TSC1: variants seen among roughly 807,000 people sequenced by gnomAD.
TSC1 encodes the protein hamartin.
A neutral mutation model predicts 124.3 loss-of-function variants in TSC1; 20 were observed. The ratio of observed to expected loss-of-function variants is 0.16; its 90% CI spans 0.11 to 0.23. The LOEUF is 0.23. TSC1 is among the 10% of genes least tolerant of loss of function. TSC1 has a pLI of 1.00. For missense variants in TSC1, 1,124 were observed against 1,448.5 expected (o/e 0.78, Z 3.64); for synonymous variants, 493 against 539.1 (o/e 0.91, Z 1.19).
intron 2 of TSC1, among the ~76,000 whole-genome samples, chr9:132,934,010 G>A (rs527619838): frequency 3.3e-5 from 5 of 152,272 alleles, no homozygotes; most frequent in South Asian, 2.1e-4. Flanking sequence ...CTTAACTTTC[G>A]ACAGTCTACA....
intron 5 of TSC1, 37 bp downstream of exon 5, chr9:132,925,548 CAT>C: frequency 1.2e-6 from 2 of 1,613,348 alleles, no homozygotes; most frequent in African/African-American, 2.7e-5. Flanking sequence ...AAACTATACT[CAT>C]AAAACCATTT....
chr9:132,907,196 T>G lies in TSC1; in HGVS notation c.1333+105A>C, dbSNP rs1588313643. On this transcript the variant is annotated intron_variant, in intron 13 of 22. Transcript: ENST00000298552. ...TCATTATGTTTAGGCCTCAGTATTT[T>G]GGATATCCCAGAATTTCCTTGTTTC... 6 of 940,792 alleles carry G rather than the reference T, an allele frequency of 6.4e-6. No individual in the cohort carries two copies. The East Asian group carries it at 1.3e-4, about 20-fold the overall frequency. 58.3% of individuals were successfully genotyped at this position (940,792 alleles called of 1,614,324 possible). A position where few individuals can be genotyped will look rare whatever the true frequency, so the allele number is the denominator to read the frequency against.
In TSC1 at chr9:132,906,868, A is replaced by G. The variant is rs1269707976; in HGVS notation, c.1334-33T>C. 1 of 1,555,138 alleles carries G rather than the reference A, an allele frequency of 6.4e-7. No homozygotes were observed. The highest frequency in any genetic ancestry group is 1.7e-5 in the Admixed American group (1 of 59,910). On this transcript the variant is annotated intron_variant, in intron 13 of 22. Coordinates refer to ENST00000298552, the MANE Select transcript of TSC1 (RefSeq NM_000368.5). This position sits in a 1 kb window ranked among gnomAD's most constrained non-coding sequence, Gnocchi z 4.1. ...GAAACAAAGACAACTGAAGTCAAAG[A>G]AATACAGTGTAATCCCTGTAAGTGT... is the stretch of plus-strand genomic sequence containing the variant.
chr9:132,911,582 G>C lies in TSC1; in HGVS notation c.914-14C>G, dbSNP rs2131983247. 9.5e-7 allele frequency: 1 copy of C among 1,054,002 alleles called. No individual in the cohort carries two copies. Among genetic ancestry groups the C allele is most frequent in the Non-Finnish European group, 1.3e-6 (1 of 757,478 alleles). 65.3% of individuals were successfully genotyped at this position (1,054,002 alleles called of 1,614,324 possible). On this transcript the variant is annotated splice_polypyrimidine_tract_variant and intron_variant, in intron 9 of 22. Transcript: ENST00000298552. ...AAGTAGCACACCCTAAAATGGAAGAGAAGAACACAGGGGGTTAGTGTGTGG... is the reference window on the plus strand; with the variant it reads ...AAGTAGCACACCCTAAAATGGAAGACAAGAACACAGGGGGTTAGTGTGTGG...
At chr9:132,914,189 T>C (rs1027024491) in intron 8 of TSC1, among the ~76,000 whole-genome samples, 13 of 152,098 alleles carry the variant, frequency 8.5e-5, no homozygotes, top group Admixed American at 3.3e-4. Context: ...CGTGAGCCAC[T>C]GTACCCGGCC....
At chr9:132,934,166 G>T (rs892029548) in intron 2 of TSC1, among the ~76,000 whole-genome samples, 7 of 152,072 alleles carry the variant, frequency 4.6e-5, no homozygotes, top group African/African-American at 1.4e-4. Flanking sequence ...ATGAGTCACA[G>T]AGCTGTCCAT....
At chr9:132,917,647 A>T (rs1018206882) in intron 8 of TSC1, among the ~76,000 whole-genome samples, 6 of 152,294 alleles carry the variant, frequency 3.9e-5, no homozygotes, top group East Asian at 1.9e-4. Flanking sequence ...TTAAAAAAAA[A>T]TTTTTTTTAA....
Position 132,923,594 on chromosome 9 carries a change from A to C in TSC1, c.364-102T>G. Reference sequence around the variant, plus strand: ...GGCTCTAAACACTGAGAGAATCACAAATCACAAGTTGACTCACGTACTCAT... The same window carrying C: ...GGCTCTAAACACTGAGAGAATCACACATCACAAGTTGACTCACGTACTCAT... On this transcript the variant is annotated intron_variant, in intron 5 of 22. Transcript: ENST00000298552. This position sits in a 1 kb window ranked among gnomAD's most constrained non-coding sequence, Gnocchi z 4.2. The C allele has an allele frequency of 2.0e-6, 3 of 1,535,068 alleles. No individual in the cohort carries two copies. The highest frequency in any genetic ancestry group is 2.7e-6 in the Non-Finnish European group (3 of 1,113,680).
chr9:132,898,185 T>C (rs907207893), intron 20 of TSC1, among the ~76,000 whole-genome samples: 17 of 152,244 alleles, frequency 1.1e-4, no homozygotes, highest in Admixed American at 1.0e-3. Context: ...GGAATGCCAA[T>C]GGAGCAGGTC....
At chr9:132,926,202 C>T (rs1846851404) in intron 4 of TSC1, 3 of 209,820 alleles carry the variant, frequency 1.4e-5, no homozygotes, top group South Asian at 1.5e-4. Flanking sequence ...GTGGCTCATG[C>T]CGGCAATCCC....
At chr9:132,910,934 G>C in intron 11 of TSC1, 68 bp downstream of exon 11, 2 of 1,459,322 alleles carry the variant, frequency 1.4e-6, no homozygotes, top group African/African-American at 1.4e-5. Context: ...AGATCTAAAA[G>C]AGAGCTCCTC....
intron 2 of TSC1, among the ~76,000 whole-genome samples, chr9:132,932,353 C>T (rs1473644879): frequency 1.3e-5 from 2 of 152,206 alleles, no homozygotes; most frequent in Admixed American, 6.5e-5. Flanking sequence ...CCCACCACCA[C>T]ATCTAATCCA....
At chr9:132,932,896 G>A (rs1847274072) in intron 2 of TSC1, among the ~76,000 whole-genome samples, 1 of 152,156 alleles carries the variant, frequency 6.6e-6, no homozygotes, top group African/African-American at 2.4e-5. Context: ...AAGATACTTT[G>A]TAATTCATGA....
intron 8 of TSC1, among the ~76,000 whole-genome samples, chr9:132,915,982 T>A (rs1450758806): frequency 6.6e-6 from 1 of 152,202 alleles, no homozygotes; most frequent in Non-Finnish European, 1.5e-5. Flanking sequence ...GACACATGTG[T>A]ACACACAAGA....
At chr9:132,911,415 A>G (rs2131971166) in intron 10 of TSC1, 38 bp downstream of exon 10, 1 of 1,487,398 alleles carries the variant, frequency 6.7e-7, no homozygotes, top group Non-Finnish European at 9.4e-7. Flanking sequence ...TTCACCAGAA[A>G]GCAGAGGAGA....
intron 3 of TSC1, among the ~76,000 whole-genome samples, chr9:132,927,735 C>T (rs1846961448): frequency 6.6e-6 from 1 of 152,030 alleles, no homozygotes; most frequent in Admixed American, 6.6e-5. Flanking sequence ...CCACATTGGC[C>T]AACATGGTCT....
At chr9:132,916,556 T>TA (rs889977790) in intron 8 of TSC1, among the ~76,000 whole-genome samples, 6 of 152,240 alleles carry the variant, frequency 3.9e-5, no homozygotes, top group African/African-American at 1.4e-4. Flanking sequence ...TATGACTACC[T>TA]AAGTACTACT....
At position 132,921,926 on chromosome 9, in the gene TSC1, C is replaced by T. The variant is rs1279777367; in HGVS notation, c.556G>A (p.Ala186Thr). 1.2e-6 allele frequency: 2 copies of T among 1,614,124 alleles called. No homozygotes were observed. Among genetic ancestry groups the T allele is most frequent in the South Asian group, 1.1e-5 (1 of 91,080 alleles). The part of the protein sequence containing the change: ...YLVHLHASVY[A>T]LFHRLYGMYP... ...ATTCCATAAAGGCGATGAAAGAGTG[C>T]GTACACACTGGCATGGAGATGGACG... The change falls in exon 7 of 23, where the codon GCA becomes ACA. Residue 186 changes from alanine to threonine, a missense_variant. By Grantham distance (58) the Ala-to-Thr change is moderately conservative. This residue lies in a region of TSC1 where 463 missense variants were observed against 606.8 expected (regional missense o/e 0.76). Transcript: ENST00000298552. This position sits in a 1 kb window ranked among gnomAD's most constrained non-coding sequence, Gnocchi z 4.3.
chr9:132,900,859 A>C (rs1190172365), intron 19 of TSC1, 22 bp from the exon 20 acceptor site: 1 of 1,613,836 alleles, frequency 6.2e-7, no homozygotes, highest in South Asian at 1.1e-5. Flanking sequence ...ACATGAGCAA[A>C]GTGAAAAATC....
Sources: gnomAD v4.1 joint callset for allele counts (sites outside exome capture counted in the v4.1 genomes callset) on GRCh38, gnomAD v4.1.1 for gene constraint, gnomAD v4.1.1 regional missense constraint, Gnocchi (gnomAD v3.1) non-coding constraint, MANE v1.5 for transcripts, NCBI Gene and HGNC (gene_info 2026-07-23, HGNC 2026-07-21) for gene names.